Variants in ANXA2 observed in about 807,000 individuals in gnomAD.
ANXA2 encodes annexin II.
ANXA2 carries 28 observed loss-of-function variants against 47.3 expected under a neutral mutation model. The ratio of observed to expected loss-of-function variants is 0.59; its 90% CI spans 0.44 to 0.81. The LOEUF (loss-of-function observed/expected upper bound fraction) is 0.81. Among genes scored for constraint, ANXA2 ranks in the 40% least tolerant of loss-of-function variants. The pLI is 0.00. For missense variants in ANXA2, 384 were observed against 414.3 expected, an observed-to-expected ratio of 0.93 and a Z score of 0.64; for synonymous variants, 172 against 155.5, an observed-to-expected ratio of 1.11 and a Z score of -0.79.
intron 3 of ANXA2, among the ~76,000 whole-genome samples, chr15:60,371,342 T>C (rs1282927884): frequency 6.6e-6 from 1 of 152,074 alleles, no homozygotes; most frequent in Non-Finnish European, 1.5e-5. Context: ...GGGTCATGGG[T>C]CCCATAAATC....
At chr15:60,387,797 T>C (rs1373675593) in intron 1 of ANXA2, among the ~76,000 whole-genome samples, 4 of 152,222 alleles carry the variant, frequency 2.6e-5, no homozygotes, top group Non-Finnish European at 5.9e-5. Context: ...TGATACGGGA[T>C]GTTGACAGTG....
At chr15:60,354,072 TCA>T (rs2062387985) in intron 8 of ANXA2, 80 bp downstream of exon 8, 1 of 1,103,400 alleles carries the variant, frequency 9.1e-7, no homozygotes. Context: ...GAGTCATTTG[TCA>T]CACAGAGTTA....
At chr15:60,374,350 A>C (rs2062749116) in intron 3 of ANXA2, 1 of 400,952 alleles carries the variant, frequency 2.5e-6, no homozygotes, top group South Asian at 1.9e-5. Context: ...CATAAAATGC[A>C]AGCCCTGTAT....
intron 3 of ANXA2, among the ~76,000 whole-genome samples, chr15:60,373,165 A>C (rs1385526305): frequency 1.3e-5 from 2 of 152,184 alleles, no homozygotes; most frequent in Non-Finnish European, 2.9e-5. Flanking sequence ...ATGGTACAAT[A>C]ATGTGTCAAC....
intron 3 of ANXA2, among the ~76,000 whole-genome samples, chr15:60,375,116 C>CA (rs2140888645): frequency 6.6e-6 from 1 of 152,284 alleles, no homozygotes; most frequent in South Asian, 2.1e-4. Flanking sequence ...TCTGCAGTGG[C>CA]ATGGGATGTT....
intron 1 of ANXA2, among the ~76,000 whole-genome samples, chr15:60,395,175 T>C (rs1595714831): frequency 2.0e-5 from 3 of 152,240 alleles, no homozygotes; most frequent in Admixed American, 6.5e-5. Flanking sequence ...TAGTATTAAT[T>C]TGGGAAAATA....
At position 60,352,412 on chromosome 15, in the gene ANXA2, G is replaced by T. The variant is rs775231291; in HGVS notation, c.653C>A (p.Thr218Asn). 1.2e-5 allele frequency: 19 copies of T among 1,613,642 alleles called. No homozygotes were observed. The highest frequency in any genetic ancestry group is 1.6e-5 in the Non-Finnish European group (19 of 1,179,762). Residue 218 changes from threonine to asparagine, a missense_variant, in exon 9 of 13, where the codon ACC (threonine) becomes AAC (asparagine). Transcript: ENST00000451270. This position sits in a 1 kb window ranked among gnomAD's most constrained non-coding sequence, Gnocchi z 4.2. ...CTGGAGGTGGGGCACGCTCCGCTCGGTCATGATGCTGATCCACTTGGGAAC... is the reference window on the plus strand; with the variant it reads ...CTGGAGGTGGGGCACGCTCCGCTCGTTCATGATGCTGATCCACTTGGGAAC... ...TDVPKWISIM[T>N]ERSVPHLQKV...
intron 7 of ANXA2, 79 bp from the exon 8 acceptor site, chr15:60,354,292 G>A: frequency 1.8e-6 from 2 of 1,136,326 alleles, no homozygotes; most frequent in South Asian, 1.4e-5. Flanking sequence ...CCCAGTCCAT[G>A]TACGCCATTA....
chr15:60,374,616 T>TA (rs1180518562), intron 3 of ANXA2: 2 of 456,102 alleles, frequency 4.4e-6, no homozygotes, highest in South Asian at 3.1e-5. Context: ...AGCTGATGCT[T>TA]ACAATTAGAA....
intron 12 of ANXA2, among the ~76,000 whole-genome samples, chr15:60,348,567 AC>A (rs776766428): frequency 2.1e-4 from 32 of 152,092 alleles, no homozygotes; most frequent in Non-Finnish European, 3.7e-4. Context: ...ACACGGTGAA[AC>A]CCTGTCTCTA....
chr15:60,375,332 C>G (rs1325582247), intron 3 of ANXA2, among the ~76,000 whole-genome samples: 1 of 152,144 alleles, frequency 6.6e-6, no homozygotes, highest in Non-Finnish European at 1.5e-5. Context: ...CATTACCCTC[C>G]CCTTCCAGAG....
chr15:60,352,464 C>T lies in ANXA2; in HGVS notation c.601G>A (p.Ala201Thr), dbSNP rs767606956. The T allele has an allele frequency of 9.3e-6, 15 of 1,612,928 alleles. No individual in the cohort carries two copies. Among genetic ancestry groups the T allele is most frequent in the Admixed American group, 3.3e-5 (2 of 59,962 alleles). Residue 201 changes from alanine (A) to threonine (T), a missense_variant, in exon 9 of 13, where the codon GCT (alanine) becomes ACT (threonine). Transcript: ENST00000451270. The surrounding 1 kb of genome is among the most constrained non-coding windows in gnomAD (Gnocchi z 4.2). ...TCAGTTCCTTTCCTCTTCACTCCAG[C>T]GTCATAGAGATCCTACGAGTACAAC... ...IDQDARDLYDAGVKRKGTDVP... is the reference protein window; with the variant it reads ...IDQDARDLYDTGVKRKGTDVP...
In ANXA2 at chr15:60,347,517, C is replaced by T. The variant is rs964616252; in HGVS notation, c.*113G>A. 11 of 1,000,890 alleles carry T rather than the reference C, an allele frequency of 1.1e-5. No homozygotes were observed. Among genetic ancestry groups the T allele is most frequent in the African/African-American group, 3.2e-5 (2 of 62,630 alleles). 62.0% of individuals were successfully genotyped at this position (1,000,890 alleles called of 1,614,324 possible). A position where few individuals can be genotyped will look rare whatever the true frequency, so the allele number is the denominator to read the frequency against. ...AAAATGAGGTTGGGGGTAATGCTAA[C>T]GTCACCCTCACAGGGATGGCCACGG... On this transcript the variant is annotated 3_prime_UTR_variant, in exon 13 of 13. Coordinates refer to ENST00000451270, the MANE Select transcript of ANXA2 (RefSeq NM_004039.3).
intron 1 of ANXA2, among the ~76,000 whole-genome samples, chr15:60,388,497 A>G (rs754543414): frequency 2.6e-5 from 4 of 151,860 alleles, no homozygotes; most frequent in African/African-American, 4.8e-5. Flanking sequence ...GTCCAGCCCA[A>G]TAATTTATAT....
chr15:60,351,122 G>T, intron 11 of ANXA2, 71 bp downstream of exon 11: 1 of 1,511,938 alleles, frequency 6.6e-7, no homozygotes, highest in Non-Finnish European at 9.2e-7. Context: ...GAATCAAGGA[G>T]ACTCAATTTG....
rs924915172 is a variant in ANXA2, at chr15:60,375,312, T to G, written c.148+7030A>C. ...CTAAAATCAAAACTGGCAATAATAA[T>G]AGGGTAATTCATTACCCTCCCCTTC... On this transcript the variant is annotated intron_variant, in intron 3 of 12. Transcript: ENST00000451270. 8.5e-5 allele frequency among the ~76,000 whole-genome samples: 13 copies of G among 152,278 alleles called. No homozygotes were observed. The East Asian group carries it at 2.3e-3, about 27-fold the overall frequency.
chr15:60,389,267 G>A (rs1292498520), intron 1 of ANXA2, among the ~76,000 whole-genome samples: 2 of 152,136 alleles, frequency 1.3e-5, no homozygotes, highest in African/African-American at 4.8e-5. Context: ...AGTCAGAGTT[G>A]CAAACAGAGT....
chr15:60,351,957 A>T, intron 9 of ANXA2, 138 bp from the exon 10 acceptor site: 1 of 668,400 alleles, frequency 1.5e-6, no homozygotes, highest in African/African-American at 1.8e-5. Context: ...AGAGGTTACC[A>T]CGGTGACCAG....
chr15:60,355,528 G>C, intron 7 of ANXA2: 1 of 330,406 alleles, frequency 3.0e-6, no homozygotes. Context: ...GGACTATATG[G>C]GCAAATTCTT....
Sources: gnomAD v4.1 joint callset for allele counts (sites outside exome capture counted in the v4.1 genomes callset) on GRCh38, gnomAD v4.1.1 for gene constraint, Gnocchi (gnomAD v3.1) non-coding constraint, MANE v1.5 for transcripts, NCBI Gene and HGNC (gene_info 2026-07-23, HGNC 2026-07-21) for gene names.